UBR3: variants seen among roughly 807,000 people sequenced by gnomAD.
UBR3 encodes the protein E3 ubiquitin-protein ligase UBR3.
A neutral mutation model predicts 243.2 loss-of-function variants in UBR3; 85 were observed. The ratio of observed to expected loss-of-function variants is 0.35; its 90% CI spans 0.29 to 0.42. The LOEUF is 0.42. Ranked by LOEUF, UBR3 falls within the 10% of genes least tolerant of loss-of-function variation. The probability of loss-of-function intolerance (pLI) is 1.00; values close to 1 mark genes in which losing one functional copy is unlikely to be tolerated. For synonymous variants in UBR3, 748 were observed against 799.8 expected, an observed-to-expected ratio of 0.94 and a Z score of 1.09; for missense variants, 1,686 against 2,300.8, an observed-to-expected ratio of 0.73 and a Z score of 5.47.
chr2:169,866,671 G>GT (rs1212178006), intron 1 of UBR3, among the ~76,000 whole-genome samples: 1 of 152,162 alleles, frequency 6.6e-6, no homozygotes, highest in African/African-American at 2.4e-5. Context: ...ACTGGAAGAA[G>GT]TTCTTAAATT....
At chr2:169,831,972 A>G (rs1171734164) in intron 1 of UBR3, among the ~76,000 whole-genome samples, 1 of 152,178 alleles carries the variant, frequency 6.6e-6, no homozygotes, top group Non-Finnish European at 1.5e-5. Flanking sequence ...AGTAAATGAG[A>G]ATAAATCTTT....
At chr2:169,983,116 G>A (rs1190921235) in intron 24 of UBR3, among the ~76,000 whole-genome samples, 2 of 151,808 alleles carry the variant, frequency 1.3e-5, no homozygotes, top group Non-Finnish European at 2.9e-5. Context: ...TATGCAAGGT[G>A]GAGTTGAGAG....
chr2:169,830,034 TA>T (rs993641845), intron 1 of UBR3, among the ~76,000 whole-genome samples: 2 of 152,208 alleles, frequency 1.3e-5, no homozygotes, highest in Admixed American at 6.5e-5. Context: ...TTTTTCCTAT[TA>T]AAAAATCAGT....
chr2:169,964,398 C>T (rs571352619), intron 24 of UBR3: 1 of 469,450 alleles, frequency 2.1e-6, no homozygotes, highest in South Asian at 1.6e-5. Flanking sequence ...ACAAGTGAGA[C>T]AAAACAAAAA....
intron 1 of UBR3, among the ~76,000 whole-genome samples, chr2:169,849,677 A>T (rs1460926103): frequency 4.6e-5 from 7 of 152,228 alleles, no homozygotes; most frequent in Non-Finnish European, 7.3e-5. Flanking sequence ...TGGATGGTAT[A>T]TCCCTCTCTC....
intron 26 of UBR3, among the ~76,000 whole-genome samples, chr2:169,997,129 T>C (rs62171989): frequency 0.81 from 122,600 of 151,968 alleles, 49,881 homozygotes; most frequent in Middle Eastern, 0.89. Flanking sequence ...CTATTTAGAC[T>C]TTATTTAGAC....
chr2:169,890,546 T>TACAC (rs1559063895), intron 5 of UBR3, among the ~76,000 whole-genome samples: 24 of 56,102 alleles, frequency 4.3e-4, no homozygotes, highest in African/African-American at 1.6e-3. Context: ...GAGAGATATA[T>TACAC]ATATATATAT....
chr2:170,049,282 G>T (rs62172046), intron 32 of UBR3, among the ~76,000 whole-genome samples: 8,854 of 152,208 alleles, frequency 0.058, 309 homozygotes, highest in Non-Finnish European at 0.085. Context: ...TTATAAGAGA[G>T]AAAATATATT....
At chr2:169,866,276 A>G (rs541582299) in intron 1 of UBR3, among the ~76,000 whole-genome samples, 1 of 150,592 alleles carries the variant, frequency 6.6e-6, no homozygotes, top group African/African-American at 2.4e-5. Flanking sequence ...AAAAAAGCAA[A>G]AAAAGCTTTT....
chr2:169,872,799 A>G (rs898307151), intron 2 of UBR3, among the ~76,000 whole-genome samples: 11 of 151,960 alleles, frequency 7.2e-5, no homozygotes, highest in African/African-American at 1.4e-4. Context: ...TATTCTCTCT[A>G]TATATTATAT....
chr2:169,925,803 G>T lies in UBR3; in HGVS notation c.2151+56G>T. 5 of 1,422,702 alleles carry T rather than the reference G, an allele frequency of 3.5e-6. No homozygotes were observed. In the South Asian group the frequency reaches 7.7e-5, roughly 22 times the overall value. 88.1% of individuals were successfully genotyped at this position (1,422,702 alleles called of 1,614,324 possible). A position where few individuals can be genotyped will look rare whatever the true frequency, so the allele number is the denominator to read the frequency against. On this transcript the variant is annotated intron_variant, in intron 14 of 38. Coordinates refer to ENST00000272793, the MANE Select transcript of UBR3 (RefSeq NM_172070.4). ...TAGAAGTGTCTCATTTGTACCCAAG[G>T]GATTTTAATTTATAGAGGTGACTGC...
chr2:169,878,127 G>A (rs1205556667), intron 4 of UBR3, among the ~76,000 whole-genome samples: 1 of 152,168 alleles, frequency 6.6e-6, no homozygotes, highest in Non-Finnish European at 1.5e-5. Flanking sequence ...TTGGGAGGCC[G>A]AGGTGGGTGG....
At chr2:169,883,327 T>C (rs2105318776) in intron 5 of UBR3, among the ~76,000 whole-genome samples, 1 of 152,298 alleles carries the variant, frequency 6.6e-6, no homozygotes, top group Middle Eastern at 3.4e-3. Context: ...CATGGTGGTC[T>C]CAAGTTGGAC....
At chr2:170,016,804 A>C (rs558046133) in intron 30 of UBR3, 3 of 578,144 alleles carry the variant, frequency 5.2e-6, no homozygotes, top group East Asian at 2.5e-4. Context: ...TCAATTTTGT[A>C]ATTTAAATTG....
At chr2:169,959,524 G>C (rs1223029452) in intron 24 of UBR3, among the ~76,000 whole-genome samples, 1 of 151,918 alleles carries the variant, frequency 6.6e-6, no homozygotes, top group Non-Finnish European at 1.5e-5. Flanking sequence ...ATTTGGGTCT[G>C]TTACTGGAGA....
chr2:169,921,169 T>G (rs2085682656), intron 11 of UBR3, among the ~76,000 whole-genome samples: 1 of 152,184 alleles, frequency 6.6e-6, no homozygotes, highest in South Asian at 2.1e-4. Flanking sequence ...TTGAGGAGGA[T>G]TGAGTTTTAT....
intron 24 of UBR3, 50 bp downstream of exon 24, chr2:169,958,576 T>C: frequency 6.6e-7 from 1 of 1,519,208 alleles, no homozygotes; most frequent in South Asian, 1.2e-5. Context: ...CTTATTACTT[T>C]AGGGATGATG....
At chr2:169,836,304 C>T (rs556867305) in intron 1 of UBR3, among the ~76,000 whole-genome samples, 2 of 151,128 alleles carry the variant, frequency 1.3e-5, no homozygotes, top group African/African-American at 2.4e-5. Context: ...AGGCTGGTCT[C>T]GAACTCCTGA....
chr2:169,857,674 G>A (rs949499137), intron 1 of UBR3, among the ~76,000 whole-genome samples: 2 of 151,628 alleles, frequency 1.3e-5, no homozygotes, highest in African/African-American at 4.9e-5. Context: ...TGATCCACCT[G>A]CCTTGGCCTC....
Sources: allele counts gnomAD v4.1 joint callset (sites outside exome capture counted in the v4.1 genomes callset), GRCh38; gene constraint gnomAD v4.1.1; transcripts MANE v1.5; gene names NCBI Gene and HGNC (gene_info 2026-07-23, HGNC 2026-07-21).